The following GSE1 variants were observed in gnomAD, a reference collection of about 807,000 sequenced individuals.
The protein encoded by GSE1 is Gse1 coiled-coil protein.
GSE1 carries 32 observed loss-of-function variants against 112.6 expected under a neutral mutation model. The observed-to-expected ratio is 0.28, with a 90% CI of 0.21 to 0.38. The LOEUF is 0.38. GSE1 is among the 10% of genes least tolerant of loss of function. GSE1 has a pLI of 1.00. For missense variants in GSE1, 2,348 were observed against 1,699.2 expected, an observed-to-expected ratio of 1.38 and a Z score of -6.71; for synonymous variants, 1,115 against 735.6, an observed-to-expected ratio of 1.52 and a Z score of -8.35.
chr16:85,633,166 A>G (rs1378943197), intron 1 of GSE1, among the ~76,000 whole-genome samples: 1 of 152,208 alleles, frequency 6.6e-6, no homozygotes, highest in African/African-American at 2.4e-5. Context: ...ATCTCCGGGC[A>G]GACTCTGTGC....
At chr16:85,626,547 T>C (rs2049083822) in intron 1 of GSE1, among the ~76,000 whole-genome samples, 1 of 152,146 alleles carries the variant, frequency 6.6e-6, no homozygotes, top group African/African-American at 2.4e-5. Flanking sequence ...GTCCAGATTG[T>C]GTGTGCGGGG....
chr16:85,494,439 C>G (rs981402999), intron 2 of GSE1, among the ~76,000 whole-genome samples: 2 of 148,194 alleles, frequency 1.3e-5, no homozygotes, highest in African/African-American at 5.1e-5. Context: ...GATCCCATTT[C>G]CAAATAAGGT....
intron 1 of GSE1, among the ~76,000 whole-genome samples, chr16:85,221,184 G>C (rs933296432): frequency 6.6e-6 from 1 of 152,058 alleles, no homozygotes; most frequent in Non-Finnish European, 1.5e-5. Context: ...CACAGGGTCG[G>C]CATCTGCAGC....
intron 1 of GSE1, among the ~76,000 whole-genome samples, chr16:85,578,985 C>G (rs1026408462): frequency 1.1e-4 from 17 of 152,184 alleles, no homozygotes; most frequent in African/African-American, 4.1e-4. Context: ...TGGCACAGTA[C>G]CAGGCACACA....
chr16:85,264,155 G>T (rs8059362), intron 1 of GSE1, among the ~76,000 whole-genome samples: 18,346 of 152,182 alleles, frequency 0.12, 1,251 homozygotes, highest in South Asian at 0.22. Flanking sequence ...TGTTGTGGGA[G>T]GGTGGGGGGC....
chr16:85,357,314 G>T (rs973778986), intron 1 of GSE1: 6 of 347,608 alleles, frequency 1.7e-5, no homozygotes, highest in Non-Finnish European at 2.5e-5. Context: ...CTGCTCTGCT[G>T]TTGCCCTGAG....
intron 1 of GSE1, among the ~76,000 whole-genome samples, chr16:85,312,100 G>C (rs956697030): frequency 6.6e-6 from 1 of 151,080 alleles, no homozygotes; most frequent in Non-Finnish European, 1.5e-5. Context: ...AGAACAGGAC[G>C]CTCAGACTCT....
chr16:85,486,402 G>A (rs550972721), intron 2 of GSE1, among the ~76,000 whole-genome samples: 88 of 152,298 alleles, frequency 5.8e-4, no homozygotes, highest in African/African-American at 2.0e-3. Context: ...TCTCCCCGGC[G>A]TTGCCCAGGG....
At chr16:85,580,976 G>C (rs1567611777) in intron 1 of GSE1, among the ~76,000 whole-genome samples, 1 of 152,266 alleles carries the variant, frequency 6.6e-6, no homozygotes, top group Non-Finnish European at 1.5e-5. Flanking sequence ...TTGGTAGCCT[G>C]AGCAGAGATG....
intron 2 of GSE1, among the ~76,000 whole-genome samples, chr16:85,637,853 G>T (rs568696455): frequency 6.6e-6 from 1 of 152,166 alleles, no homozygotes; most frequent in African/African-American, 2.4e-5. Flanking sequence ...CGGGCTAGCG[G>T]CTGAGCTGGC....
chr16:85,528,169 C>A (rs2052422150), intron 2 of GSE1, among the ~76,000 whole-genome samples: 1 of 152,240 alleles, frequency 6.6e-6, no homozygotes, highest in Non-Finnish European at 1.5e-5. Flanking sequence ...GATTCTCACC[C>A]CCGTGAAGCG....
At chr16:85,193,076 A>C (rs2074857257) in intron 1 of GSE1, among the ~76,000 whole-genome samples, 1 of 152,128 alleles carries the variant, frequency 6.6e-6, no homozygotes, top group African/African-American at 2.4e-5. Context: ...GACCATAGGG[A>C]GCCCTCTGGT....
intron 2 of GSE1, among the ~76,000 whole-genome samples, chr16:85,389,445 G>A (rs564759537): frequency 1.1e-4 from 16 of 143,268 alleles, no homozygotes; most frequent in African/African-American, 4.3e-4. Flanking sequence ...GGGTGACAGA[G>A]CGAGACTCTG....
intron 1 of GSE1, among the ~76,000 whole-genome samples, chr16:85,301,532 G>A (rs941040028): frequency 3.9e-5 from 6 of 152,246 alleles, no homozygotes; most frequent in Non-Finnish European, 8.8e-5. Context: ...TGCCCTGCAT[G>A]GGCACCGGAA....
At chr16:85,653,088 G>T (rs187153516) in intron 3 of GSE1, among the ~76,000 whole-genome samples, 105 of 149,852 alleles carry the variant, frequency 7.0e-4, no homozygotes, top group African/African-American at 2.5e-3. Context: ...AGATGCTGGG[G>T]CTGAGAACGG....
chr16:85,404,129 GCCC>G (rs1196026480), intron 2 of GSE1, among the ~76,000 whole-genome samples: 1 of 102,974 alleles, frequency 9.7e-6, no homozygotes, highest in African/African-American at 3.9e-5. Flanking sequence ...TACACTCAGG[GCCC>G]CCCTGGATAA....
At chr16:85,247,123 CTCTT>C (rs1395568264) in intron 1 of GSE1, among the ~76,000 whole-genome samples, 2 of 152,166 alleles carry the variant, frequency 1.3e-5, no homozygotes, top group Admixed American at 1.3e-4. Context: ...GTACACCTCT[CTCTT>C]TCTTCTGTTT....
In GSE1 at chr16:85,317,707, C is replaced by T. The variant is rs567683552; in HGVS notation, c.2284-39756C>T. On this transcript the variant is annotated intron_variant, in intron 1 of 2. Coordinates refer to the GSE1 transcript ENST00000637419. Reference sequence around the variant, plus strand: ...ATTGAGCCCCGGTGCCCACAGTGAACGCTGGTGAGCATTCATGCACCCTGC... The same window carrying T: ...ATTGAGCCCCGGTGCCCACAGTGAATGCTGGTGAGCATTCATGCACCCTGC... Among the ~76,000 whole-genome samples, 9 of 152,216 alleles carry T rather than the reference C, an allele frequency of 5.9e-5. No individual in the cohort carries two copies. In the South Asian group the frequency reaches 6.2e-4, roughly 11 times the overall value.
At chr16:85,468,846 G>A (rs1004808448) in intron 2 of GSE1, among the ~76,000 whole-genome samples, 4 of 152,296 alleles carry the variant, frequency 2.6e-5, no homozygotes, top group African/African-American at 9.6e-5. Flanking sequence ...GGGTTGAATA[G>A]GGCCACCCCC....
Sources: gnomAD v4.1 joint callset for allele counts (sites outside exome capture counted in the v4.1 genomes callset) on GRCh38, gnomAD v4.1.1 for gene constraint, MANE v1.5 for transcripts, NCBI Gene and HGNC (gene_info 2026-07-23, HGNC 2026-07-21) for gene names.